PLEKHA2: variants seen among roughly 807,000 people sequenced by gnomAD.
PLEKHA2 encodes the protein pleckstrin homology domain containing A2.
Under a neutral mutation model 53.2 loss-of-function variants are expected in PLEKHA2, and 28 were observed. The observed-to-expected ratio is 0.53, with a 90% CI of 0.39 to 0.72. The LOEUF is 0.72. PLEKHA2 is among the 30% of genes least tolerant of loss of function. The pLI is 0.00. For synonymous variants in PLEKHA2, 193 were observed against 196.4 expected, an observed-to-expected ratio of 0.98 and a Z score of 0.14; for missense variants, 426 against 537.9, an observed-to-expected ratio of 0.79 and a Z score of 2.06.
At position 38,973,718 on chromosome 8, in the gene PLEKHA2, G is replaced by A. The variant is rs1275266739; in HGVS notation, c.*3935G>A. 3.3e-5 allele frequency: 5 copies of A among 153,734 alleles called. No individual in the cohort carries two copies. The highest frequency in any genetic ancestry group is 1.2e-4 in the African/African-American group (5 of 40,984). The allele number at this position is 153,734 out of a possible 1,614,324, so 9.5% of individuals were successfully genotyped here. Reference sequence around the variant, plus strand: ...TTTGACCTCCTCCCCCTCTGCTTATGAAGGGGTAGCATGATTCTGTGTTTT... The same window carrying A: ...TTTGACCTCCTCCCCCTCTGCTTATAAAGGGGTAGCATGATTCTGTGTTTT... On this transcript the variant is annotated 3_prime_UTR_variant, in exon 12 of 12. Transcript: ENST00000617275.
chr8:38,934,849 G>T (rs924324712), intron 2 of PLEKHA2, among the ~76,000 whole-genome samples: 6 of 150,956 alleles, frequency 4.0e-5, no homozygotes, highest in African/African-American at 1.5e-4. Context: ...TCTATATTGC[G>T]TGAGTTTGTA....
At chr8:38,917,456 G>C (rs1392533953) in intron 1 of PLEKHA2, among the ~76,000 whole-genome samples, 6 of 152,204 alleles carry the variant, frequency 3.9e-5, no homozygotes, top group Non-Finnish European at 5.9e-5. Context: ...GCAGAGCAAC[G>C]ATAATAGCTA....
At chr8:38,925,107 G>A (rs1834261674) in intron 2 of PLEKHA2, among the ~76,000 whole-genome samples, 1 of 152,138 alleles carries the variant, frequency 6.6e-6, no homozygotes, top group Admixed American at 6.5e-5. Context: ...CTGTAGGCAC[G>A]ATGTAATACA....
intron 2 of PLEKHA2, among the ~76,000 whole-genome samples, chr8:38,934,536 C>A (rs769583329): frequency 1.1e-4 from 16 of 151,966 alleles, no homozygotes; most frequent in Non-Finnish European, 2.2e-4. Context: ...GACAGAGTCT[C>A]AGATTCACAG....
At chr8:38,934,828 AT>A (rs1834462636) in intron 2 of PLEKHA2, among the ~76,000 whole-genome samples, 1 of 151,828 alleles carries the variant, frequency 6.6e-6, no homozygotes, top group Non-Finnish European at 1.5e-5. Context: ...ATATATATAT[AT>A]ATTTTTATTT....
chr8:38,946,674 A>G (rs1449411891), intron 5 of PLEKHA2, among the ~76,000 whole-genome samples: 1 of 152,216 alleles, frequency 6.6e-6, no homozygotes, highest in Non-Finnish European at 1.5e-5. Context: ...TCCCTGTCCT[A>G]GAAAAGCCTT....
At chr8:38,947,596 C>G (rs1834739040) in intron 5 of PLEKHA2, among the ~76,000 whole-genome samples, 1 of 152,070 alleles carries the variant, frequency 6.6e-6, no homozygotes, top group East Asian at 1.9e-4. Context: ...GTACTTCAGC[C>G]TAGGCAACAG....
chr8:38,902,272 A>G (rs2152362501), intron 1 of PLEKHA2, among the ~76,000 whole-genome samples: 1 of 151,148 alleles, frequency 6.6e-6, no homozygotes, highest in East Asian at 2.0e-4. Context: ...GTGTCCCTGC[A>G]CGCCCAGAGA....
chr8:38,969,196 C>T (rs891081079), intron 11 of PLEKHA2, among the ~76,000 whole-genome samples: 6 of 152,196 alleles, frequency 3.9e-5, no homozygotes, highest in African/African-American at 1.2e-4. Context: ...CCACCACGCC[C>T]GGCCGAGAAA....
intron 1 of PLEKHA2, among the ~76,000 whole-genome samples, chr8:38,915,347 C>A (rs899759287): frequency 6.6e-6 from 1 of 152,222 alleles, no homozygotes; most frequent in Non-Finnish European, 1.5e-5. Flanking sequence ...ATCGCTTAAA[C>A]GGCAGAAGTT....
intron 1 of PLEKHA2, among the ~76,000 whole-genome samples, chr8:38,908,905 G>A (rs1227878845): frequency 6.6e-6 from 1 of 152,182 alleles, no homozygotes; most frequent in Admixed American, 6.5e-5. Flanking sequence ...AGCACTTTGG[G>A]AGTCCAAGGT....
chr8:38,932,321 C>T (rs1031488929), intron 2 of PLEKHA2, among the ~76,000 whole-genome samples: 2 of 152,182 alleles, frequency 1.3e-5, no homozygotes, highest in African/African-American at 2.4e-5. Flanking sequence ...AAAACAAGCT[C>T]TCCAGGAGAT....
chr8:38,945,948 G>T (rs1376133168), intron 4 of PLEKHA2, among the ~76,000 whole-genome samples, 176 bp from the exon 5 acceptor site: 1 of 152,098 alleles, frequency 6.6e-6, no homozygotes, highest in East Asian at 1.9e-4. Context: ...AGCAGGTGTG[G>T]CCTGGGGCTT....
At chr8:38,950,277 T>A (rs1834803556) in intron 5 of PLEKHA2, among the ~76,000 whole-genome samples, 2 of 152,184 alleles carry the variant, frequency 1.3e-5, no homozygotes, top group East Asian at 1.9e-4. Flanking sequence ...CAAGTGACCC[T>A]CCTGCCTTGG....
chr8:38,943,328 C>CT lies in PLEKHA2; in HGVS notation c.199-455dup, dbSNP rs531110573. Among the ~76,000 whole-genome samples the CT allele has an allele frequency of 2.3e-3, 344 of 151,590 alleles. 2 individuals carry two copies. Among genetic ancestry groups the CT allele is most frequent in the African/African-American group, 8.0e-3 (331 of 41,294 alleles). On this transcript the variant is annotated intron_variant, in intron 3 of 11. Transcript: ENST00000617275. The stretch of plus-strand genomic sequence containing the variant: ...AGACCCTGTTTCTGCAAATATTTTT[C>CT]TTTTTTAAAAAAAACTAGCCAGGCA...
intron 1 of PLEKHA2, among the ~76,000 whole-genome samples, chr8:38,917,468 T>G (rs1319411908): frequency 1.3e-5 from 2 of 152,234 alleles, no homozygotes; most frequent in Non-Finnish European, 2.9e-5. Context: ...TAATAGCTAC[T>G]GTTCAGGAAG....
chr8:38,954,689 T>G (rs1306157445), intron 9 of PLEKHA2, among the ~76,000 whole-genome samples: 3 of 152,100 alleles, frequency 2.0e-5, no homozygotes, highest in Admixed American at 2.0e-4. Context: ...TCAATTAATA[T>G]TTGTTGAAAG....
chr8:38,909,121 C>T (rs531659199), intron 1 of PLEKHA2, among the ~76,000 whole-genome samples: 4 of 149,936 alleles, frequency 2.7e-5, no homozygotes, highest in Admixed American at 1.3e-4. Context: ...CCAACCTGGG[C>T]GACAGAGCGA....
At chr8:38,943,947 G>T in intron 4 of PLEKHA2, 110 bp downstream of exon 4, 1 of 810,954 alleles carries the variant, frequency 1.2e-6, no homozygotes, top group South Asian at 2.4e-5. Flanking sequence ...GAGTATGAGT[G>T]ACTTAAATCA....
Sources: allele counts gnomAD v4.1 joint callset (sites outside exome capture counted in the v4.1 genomes callset), GRCh38; gene constraint gnomAD v4.1.1; transcripts MANE v1.5; gene names NCBI Gene and HGNC (gene_info 2026-07-23, HGNC 2026-07-21).